The following GPATCH3 variants were observed in gnomAD, a reference collection of about 807,000 sequenced individuals.
The protein encoded by GPATCH3 is G-patch domain containing 3, also known as G patch domain-containing protein 3.
GPATCH3 carries 45 observed loss-of-function variants against 53.2 expected under a neutral mutation model. That is an observed-to-expected ratio of 0.85 (90% CI 0.67 to 1.08). GPATCH3 has a LOEUF of 1.08. Ranked by LOEUF, GPATCH3 falls within the 50% of genes least tolerant of loss-of-function variation. The probability of loss-of-function intolerance (pLI) is 0.00; values close to 1 mark genes in which losing one functional copy is unlikely to be tolerated. For missense variants in GPATCH3, 680 were observed against 687.2 expected, an observed-to-expected ratio of 0.99 and a Z score of 0.12; for synonymous variants, 280 against 270.6, an observed-to-expected ratio of 1.03 and a Z score of -0.34.
rs1203639907 is a variant in GPATCH3, at chr1:26,892,646, G to C, written c.1233+24C>G. 4 of 1,613,036 alleles carry C rather than the reference G, an allele frequency of 2.5e-6. No homozygotes were observed. The Admixed American group carries it at 6.7e-5, about 27-fold the overall frequency. On this transcript the variant is annotated intron_variant, in intron 5 of 6. Coordinates refer to ENST00000361720, the MANE Select transcript of GPATCH3 (RefSeq NM_022078.3). ...AGAGAAGGAAAAGAGAGGGGTCCAT[G>C]GGGTGGGCACAGTGCTAACTCACCT...
rs1475921611 is a variant in GPATCH3 at position 26,892,545 on chromosome 1, A to G, written c.1234-7T>C. On this transcript the variant is annotated splice_region_variant and splice_polypyrimidine_tract_variant and intron_variant, in intron 5 of 6. Transcript: ENST00000361720. ...TCACCTTCCGCCCAATGCCCTGCAG[A>G]GTGAAGGGACAAGACTCAAGAAATG... 2.5e-6 allele frequency: 4 copies of G among 1,610,214 alleles called. No individual in the cohort carries two copies. Among genetic ancestry groups the G allele is most frequent in the Admixed American group, 3.3e-5 (2 of 59,938 alleles).
chr1:26,894,029 T>C (rs1320346086), intron 3 of GPATCH3, among the ~76,000 whole-genome samples: 1 of 147,028 alleles, frequency 6.8e-6, no homozygotes, highest in African/African-American at 2.5e-5. Flanking sequence ...TCAGAATTTG[T>C]TGGGGGCGGG....
Position 26,890,649 on chromosome 1 carries a change from T to C in GPATCH3, c.*361A>G. The C allele has an allele frequency of 1.2e-5, 5 of 414,844 alleles. No homozygotes were observed. The highest frequency in any genetic ancestry group is 8.1e-5 in the South Asian group (4 of 49,264). The allele number at this position is 414,844 out of a possible 1,614,324, so 25.7% of individuals were successfully genotyped here. ...CAAATCCTCTCCTCGCCCAGGTCCC[T>C]TTCCCCCTTTCTGGCCTTCGTGGGG... On this transcript the variant is annotated 3_prime_UTR_variant, in exon 7 of 7. Transcript: ENST00000361720.
At position 26,892,437 on chromosome 1, in the gene GPATCH3, T is replaced by C. The variant is rs940010765; in HGVS notation, c.1335A>G (p.Gln445=). The change falls in exon 6 of 7, where the codon CAA becomes CAG. Residue 445 remains glutamine, a synonymous_variant. Coordinates refer to ENST00000361720, the MANE Select transcript of GPATCH3 (RefSeq NM_022078.3). ...GVPEALDSDG[Q]HPRCKRGLGY... is the part of the protein sequence containing the mutation. ...CCAATCCACGCTTGCATCTGGGGTG[T>C]TGGCCATCACTATCCAGGGCCTCAG... 8.7e-6 allele frequency: 14 copies of C among 1,613,620 alleles called. No homozygotes were observed. The highest frequency in any genetic ancestry group is 1.7e-4 in the Middle Eastern group (1 of 5,946).
intron 3 of GPATCH3, among the ~76,000 whole-genome samples, 172 bp downstream of exon 3, chr1:26,894,064 C>T (rs564439378): frequency 4.6e-5 from 7 of 152,238 alleles, no homozygotes; most frequent in African/African-American, 1.7e-4. Context: ...CTCTCCATCT[C>T]ACTGATCCCC....
At chr1:26,894,636 A>T (rs2081943096) in intron 2 of GPATCH3, among the ~76,000 whole-genome samples, 1 of 152,008 alleles carries the variant, frequency 6.6e-6, no homozygotes, top group Non-Finnish European at 1.5e-5. Context: ...GCGTTTGGCC[A>T]TGTTGTTCCC....
chr1:26,900,156 G>A lies in GPATCH3; in HGVS notation c.287C>T (p.Pro96Leu), dbSNP rs770063795. The A allele has an allele frequency of 6.2e-7, 1 of 1,614,178 alleles. No homozygotes were observed. Among genetic ancestry groups the A allele is most frequent in the South Asian group, 1.1e-5 (1 of 91,072 alleles). The change falls in exon 1 of 7, where the codon CCA becomes CTA. Residue 96 changes from proline (P) to leucine (L), a missense_variant. Physicochemically the swap from Pro to Leu is moderately conservative, Grantham distance 98. Transcript: ENST00000361720. ...VRPLSTRDSTPIQTRTCCCVI... is the reference protein window; with the variant it reads ...VRPLSTRDSTLIQTRTCCCVI... ...GCAGCAGCAGGTGCGGGTCTGGATT[G>A]GAGTAGAGTCTCGAGTGGAGAGAGG...
chr1:26,894,148 A>T (rs2081940582), intron 3 of GPATCH3, 88 bp downstream of exon 3: 1 of 1,333,138 alleles, frequency 7.5e-7, no homozygotes. Flanking sequence ...GTTTGGGCTC[A>T]CCACTACAGA....
chr1:26,899,049 C>A (rs1461675540), intron 1 of GPATCH3, among the ~76,000 whole-genome samples: 1 of 152,182 alleles, frequency 6.6e-6, no homozygotes, highest in East Asian at 1.9e-4. Context: ...ACCCTGAAAC[C>A]CAGAAACACC....
At chr1:26,893,292 C>T (rs901542503) in intron 4 of GPATCH3, 97 bp downstream of exon 4, 8 of 978,514 alleles carry the variant, frequency 8.2e-6, no homozygotes, top group Middle Eastern at 2.1e-4. Flanking sequence ...GGAACGGGAA[C>T]GGTACCCTGT....
At chr1:26,894,186 A>G (rs1407314410) in intron 3 of GPATCH3, 50 bp downstream of exon 3, 6 of 1,579,932 alleles carry the variant, frequency 3.8e-6, no homozygotes, top group African/African-American at 1.4e-5. Flanking sequence ...GGGAACCCCA[A>G]AAGAATGCAG....
At position 26,900,326 on chromosome 1, in the gene GPATCH3, C is replaced by G. The variant is rs141882168; in HGVS notation, c.117G>C (p.Glu39Asp). 107 of 1,614,052 alleles carry G rather than the reference C, an allele frequency of 6.6e-5. No individual in the cohort carries two copies. The African/African-American group carries it at 1.1e-3, about 17-fold the overall frequency. Residue 39 changes from glutamate to aspartate, a missense_variant, in exon 1 of 7, where the codon GAG becomes GAC. Transcript: ENST00000361720. Reference sequence around the variant, plus strand: ...GGAAACAGAGGAAGCCACCGCCGCGCTCTTCTCGGAACTGGCTAAAATAGC... The same window carrying G: ...GGAAACAGAGGAAGCCACCGCCGCGGTCTTCTCGGAACTGGCTAAAATAGC... ...LRSYFSQFRE[E>D]RGGGFLCFHY...
intron 3 of GPATCH3, 81 bp from the exon 4 acceptor site, chr1:26,893,529 C>CTTTTTTTTTT: frequency 5.4e-6 from 2 of 372,704 alleles, no homozygotes; most frequent in East Asian, 6.6e-5. Context: ...GTTTTTTTGG[C>CTTTTTTTTTT]TTTTTTTTTT....
Position 26,897,735 on chromosome 1 carries a change from G to C in GPATCH3, c.452-10C>G. 1 of 1,587,138 alleles carries C rather than the reference G, an allele frequency of 6.3e-7. No individual in the cohort carries two copies. Among genetic ancestry groups the C allele is most frequent in the East Asian group, 2.2e-5 (1 of 44,624 alleles). ...GGAAAGGAGCCCAGACCTTGGAAAG[G>C]AGGGAGAATAGATCTTGAAACCCAG... On this transcript the variant is annotated splice_polypyrimidine_tract_variant and intron_variant, in intron 1 of 6. Coordinates refer to ENST00000361720, the MANE Select transcript of GPATCH3 (RefSeq NM_022078.3).
At chr1:26,896,650 G>A (rs1190348543) in intron 2 of GPATCH3, among the ~76,000 whole-genome samples, 4 of 150,496 alleles carry the variant, frequency 2.7e-5, no homozygotes, top group East Asian at 3.9e-4. Flanking sequence ...GCAGTGAGCC[G>A]AGATCGCACC....
rs2081922685 is a variant in GPATCH3 at position 26,891,065 on chromosome 1, A to G, written c.1523T>C (p.Met508Thr). The G allele has an allele frequency of 6.2e-7, 1 of 1,614,046 alleles. No homozygotes were observed. Among genetic ancestry groups the G allele is most frequent in the Admixed American group, 1.7e-5 (1 of 59,992 alleles). The change falls in exon 7 of 7, where the codon ATG becomes ACG. Residue 508 changes from methionine (M) to threonine (T), a missense_variant. By Grantham distance (81) the Met-to-Thr change is moderately conservative. Coordinates refer to ENST00000361720, the MANE Select transcript of GPATCH3 (RefSeq NM_022078.3). ...ACAACTGGAACCCCTCACAAAGGCC[A>G]TGTCTGTCCGAAACTTCATGCTGGT... ...PPTSMKFRTD[M>T]AFVRGSSCAS...
chr1:26,890,923 TC>T lies in GPATCH3; in HGVS notation c.*86del, dbSNP rs1426885880. 8.0e-7 allele frequency: 1 copy of T among 1,249,238 alleles called. No individual in the cohort carries two copies. Among genetic ancestry groups the T allele is most frequent in the African/African-American group, 1.5e-5 (1 of 67,454 alleles). The allele number at this position is 1,249,238 out of a possible 1,614,324, so 77.4% of individuals were successfully genotyped here. A position where few individuals can be genotyped will look rare whatever the true frequency, so the allele number is the denominator to read the frequency against. ...CTGAACCAGCCACGAAGACTGCTGC[TC>T]CCAGACTCCTTTCTGCTTCAGTGGT... On this transcript the variant is annotated 3_prime_UTR_variant, in exon 7 of 7. Coordinates refer to ENST00000361720, the MANE Select transcript of GPATCH3 (RefSeq NM_022078.3).
chr1:26,892,584 G>C (rs577476702), intron 5 of GPATCH3, 46 bp from the exon 6 acceptor site: 1 of 1,606,762 alleles, frequency 6.2e-7, no homozygotes, highest in Non-Finnish European at 8.5e-7. Context: ...CTCCTGCTGG[G>C]AGCAGGGAGA....
In GPATCH3 at chr1:26,892,730, A is replaced by C. The variant is rs773029607; in HGVS notation, c.1173T>G (p.Asp391Glu). The C allele has an allele frequency of 1.2e-6, 2 of 1,614,084 alleles. No individual in the cohort carries two copies. The highest frequency in any genetic ancestry group is 1.7e-6 in the Non-Finnish European group (2 of 1,180,012). ...VQMRLEQRLRDGQEDGSVIER... is the reference protein window; with the variant it reads ...VQMRLEQRLREGQEDGSVIER... ...CGATCACAGAGCCATCTTCCTGTCC[A>C]TCTCGGAGTCTCTGTTCCAGACGCA... is the stretch of plus-strand genomic sequence containing the variant. Residue 391 changes from aspartate to glutamate, a missense_variant, in exon 5 of 7, where the codon GAT (aspartate) becomes GAG (glutamate). Transcript: ENST00000361720.
Sources: allele counts gnomAD v4.1 joint callset (sites outside exome capture counted in the v4.1 genomes callset), GRCh38; gene constraint gnomAD v4.1.1; transcripts MANE v1.5; gene names NCBI Gene and HGNC (gene_info 2026-07-23, HGNC 2026-07-21).